GRIK3: variants seen among roughly 807,000 people sequenced by gnomAD.
GRIK3 encodes glutamate ionotropic receptor kainate type subunit 3.
In GRIK3, 29 loss-of-function variants were observed where a neutral mutation model predicts 102.5. The ratio of observed to expected loss-of-function variants is 0.28; its 90% confidence interval spans 0.21 to 0.39. GRIK3 has a LOEUF of 0.39. Among genes scored for constraint, GRIK3 ranks in the 10% least tolerant of loss-of-function variants. GRIK3 has a pLI of 1.00. For synonymous variants in GRIK3, 511 were observed against 504.9 expected, an observed-to-expected ratio of 1.01 and a Z score of -0.16; for missense variants, 908 against 1,252.4, an observed-to-expected ratio of 0.73 and a Z score of 4.15.
chr1:36,933,331 T>C (rs1276914238), intron 1 of GRIK3, among the ~76,000 whole-genome samples: 2 of 152,156 alleles, frequency 1.3e-5, no homozygotes, highest in Non-Finnish European at 2.9e-5. Context: ...GTGAAGGTGT[T>C]TTCATCAAGG....
At chr1:36,821,724 T>G (rs186188687) in intron 11 of GRIK3, among the ~76,000 whole-genome samples, 2 of 152,278 alleles carry the variant, frequency 1.3e-5, no homozygotes, top group East Asian at 3.9e-4. Context: ...GGGCACAGGC[T>G]GCTGGAGGAC....
chr1:36,837,951 T>G (rs1006437522), intron 10 of GRIK3, among the ~76,000 whole-genome samples: 3 of 152,214 alleles, frequency 2.0e-5, no homozygotes, highest in Non-Finnish European at 4.4e-5. Flanking sequence ...GCTCCCTGTT[T>G]GGATCCAGTG....
intron 2 of GRIK3, among the ~76,000 whole-genome samples, chr1:36,883,359 C>T (rs1291424457): frequency 6.6e-6 from 1 of 152,202 alleles, no homozygotes; most frequent in Non-Finnish European, 1.5e-5. Context: ...CCCCCTTTCT[C>T]TTTTACCACT....
In GRIK3 at chr1:36,971,330, G is replaced by A. The variant is rs116363241; in HGVS notation, c.115+62664C>T. 2.9e-3 allele frequency among the ~76,000 whole-genome samples: 446 copies of A among 152,310 alleles called. 2 individuals carry two copies. The highest frequency in any genetic ancestry group is 0.01 in the African/African-American group (431 of 41,544). On this transcript the variant is annotated intron_variant, in intron 1 of 15. Coordinates refer to ENST00000373091, the MANE Select transcript of GRIK3 (RefSeq NM_000831.4). ...GGGGAAACATCCTTCCCATACAAAT[G>A]GAAGGCTGCCTTTGCCGTAGAATTG...
At chr1:37,005,119 G>A (rs1424525011) in intron 1 of GRIK3, among the ~76,000 whole-genome samples, 2 of 152,146 alleles carry the variant, frequency 1.3e-5, no homozygotes, top group South Asian at 2.1e-4. Flanking sequence ...CTACTCCTGC[G>A]ACTCCCACTC....
chr1:36,833,489 C>T (rs969201540), intron 10 of GRIK3, among the ~76,000 whole-genome samples: 1 of 152,166 alleles, frequency 6.6e-6, no homozygotes, highest in Non-Finnish European at 1.5e-5. Context: ...CTGGGCTCCA[C>T]CTTTGGAGCC....
intron 7 of GRIK3, among the ~76,000 whole-genome samples, chr1:36,857,599 C>T (rs1218776384): frequency 6.6e-6 from 1 of 152,228 alleles, no homozygotes; most frequent in Non-Finnish European, 1.5e-5. Flanking sequence ...CATAACGTGT[C>T]TGAAGCCACA....
intron 6 of GRIK3, 92 bp downstream of exon 6, chr1:36,859,752 G>C (rs1640698350): frequency 9.7e-7 from 1 of 1,033,618 alleles, no homozygotes; most frequent in East Asian, 2.4e-5. Flanking sequence ...AAGAGAAGTG[G>C]TGGAGGGAAG....
At chr1:36,827,485 G>A (rs1299123714) in intron 10 of GRIK3, among the ~76,000 whole-genome samples, 1 of 152,136 alleles carries the variant, frequency 6.6e-6, no homozygotes, top group Non-Finnish European at 1.5e-5. Context: ...GCCTCCAGGT[G>A]TCCATCCATT....
chr1:36,948,833 G>A (rs985937886), intron 1 of GRIK3, among the ~76,000 whole-genome samples: 1 of 152,158 alleles, frequency 6.6e-6, no homozygotes, highest in Non-Finnish European at 1.5e-5. Context: ...TGGACAGGCA[G>A]GAGCTATTCT....
intron 1 of GRIK3, among the ~76,000 whole-genome samples, chr1:36,950,846 A>G (rs1014863171): frequency 6.6e-6 from 1 of 152,194 alleles, no homozygotes; most frequent in African/African-American, 2.4e-5. Context: ...CACCCTACCA[A>G]TTCTACACTC....
intron 1 of GRIK3, among the ~76,000 whole-genome samples, chr1:37,027,240 C>G (rs533428763): frequency 6.6e-6 from 1 of 152,068 alleles, no homozygotes; most frequent in African/African-American, 2.4e-5. Context: ...GAAGGGCAGA[C>G]GGCTCTAGGG....
chr1:36,832,650 C>T (rs1640319884), intron 10 of GRIK3, among the ~76,000 whole-genome samples: 1 of 152,242 alleles, frequency 6.6e-6, no homozygotes, highest in African/African-American at 2.4e-5. Context: ...TGTGTGTACC[C>T]TTCCTGGGCC....
intron 3 of GRIK3, among the ~76,000 whole-genome samples, chr1:36,878,342 C>T (rs1292340123): frequency 6.6e-6 from 1 of 152,220 alleles, no homozygotes; most frequent in African/African-American, 2.4e-5. Context: ...TCCCTGCTCT[C>T]AAGGATCTTC....
At chr1:36,975,516 G>A (rs188852883) in intron 1 of GRIK3, among the ~76,000 whole-genome samples, 44 of 152,244 alleles carry the variant, frequency 2.9e-4, no homozygotes, top group African/African-American at 1.0e-3. Context: ...GTATGGTCTC[G>A]ATCTCCGGAC....
intron 10 of GRIK3, among the ~76,000 whole-genome samples, chr1:36,835,795 G>C (rs1469830048): frequency 6.6e-6 from 1 of 151,964 alleles, no homozygotes; most frequent in East Asian, 1.9e-4. Flanking sequence ...TGTTTGTCCG[G>C]ACCTGGACCC....
At chr1:36,995,390 C>T (rs1330986057) in intron 1 of GRIK3, among the ~76,000 whole-genome samples, 1 of 152,172 alleles carries the variant, frequency 6.6e-6, no homozygotes, top group Non-Finnish European at 1.5e-5. Flanking sequence ...CCTGGGGGCT[C>T]ATCCACGGGA....
chr1:36,815,501 C>T (rs1642616638), intron 13 of GRIK3, among the ~76,000 whole-genome samples: 1 of 152,194 alleles, frequency 6.6e-6, no homozygotes, highest in Non-Finnish European at 1.5e-5. Flanking sequence ...AAGGAAAATA[C>T]CCCAGGCTTC....
chr1:36,864,944 C>T (rs1018260966), intron 5 of GRIK3, among the ~76,000 whole-genome samples: 13 of 151,826 alleles, frequency 8.6e-5, no homozygotes, highest in Non-Finnish European at 1.9e-4. Flanking sequence ...GTTGTGTTCT[C>T]GATGCCAAAT....
Sources: gnomAD v4.1 joint callset for allele counts (sites outside exome capture counted in the v4.1 genomes callset) on GRCh38, gnomAD v4.1.1 for gene constraint, MANE v1.5 for transcripts, NCBI Gene and HGNC (gene_info 2026-07-23, HGNC 2026-07-21) for gene names.